The following BMERB1 variants were observed in gnomAD, a reference collection of about 807,000 sequenced individuals.
BMERB1 encodes the protein bMERB domain-containing protein 1.
A neutral mutation model predicts 23.6 loss-of-function variants in BMERB1; 12 were observed. That is an observed-to-expected ratio of 0.51 (90% CI 0.33 to 0.82). The LOEUF is 0.82. Among genes scored for constraint, BMERB1 ranks in the 40% least tolerant of loss-of-function variants. BMERB1 has a pLI of 0.03. For missense variants in BMERB1, 247 were observed against 255.4 expected, an observed-to-expected ratio of 0.97 and a Z score of 0.22; for synonymous variants, 122 against 96.6, an observed-to-expected ratio of 1.26 and a Z score of -1.54.
chr16:15,562,756 C>T (rs1269625565), intron 2 of BMERB1, among the ~76,000 whole-genome samples: 3 of 152,176 alleles, frequency 2.0e-5, no homozygotes, highest in Non-Finnish European at 2.9e-5. Context: ...TCTGCAAAAG[C>T]GTCTGGAGTC....
chr16:15,522,370 A>G lies in BMERB1; in HGVS notation c.230+6942A>G, dbSNP rs977127076. 2.0e-5 allele frequency among the ~76,000 whole-genome samples: 3 copies of G among 152,182 alleles called. No individual in the cohort carries two copies. In the East Asian group the frequency reaches 5.8e-4, roughly 29 times the overall value. ...AGGTACCAAGTGTGGTAAAGAGGACAGGCCCTGGGAACCTGGCAGAGATTC... is the reference window on the plus strand; with the variant it reads ...AGGTACCAAGTGTGGTAAAGAGGACGGGCCCTGGGAACCTGGCAGAGATTC... On this transcript the variant is annotated intron_variant, in intron 2 of 5. Transcript: ENST00000300006.
chr16:15,458,974 G>A (rs1236320834), intron 1 of BMERB1, among the ~76,000 whole-genome samples: 2 of 152,058 alleles, frequency 1.3e-5, no homozygotes, highest in African/African-American at 4.8e-5. Flanking sequence ...GGGCGTGGTG[G>A]CGGGCGCCCA....
chr16:15,530,619 C>T (rs1448671267), intron 2 of BMERB1, among the ~76,000 whole-genome samples: 2 of 152,088 alleles, frequency 1.3e-5, no homozygotes, highest in South Asian at 4.2e-4. Context: ...GGCTGTGTCC[C>T]CACCCAAATC....
intron 1 of BMERB1, among the ~76,000 whole-genome samples, chr16:15,458,774 G>C (rs1241426864): frequency 6.7e-6 from 1 of 148,274 alleles, no homozygotes; most frequent in Non-Finnish European, 1.5e-5. Context: ...GGAAACCTCA[G>C]AACTACTAAG....
chr16:15,559,627 C>T lies in BMERB1; in HGVS notation c.231-8356C>T, dbSNP rs568048625. On this transcript the variant is annotated intron_variant, in intron 2 of 5. Transcript: ENST00000300006. ...GTAAATGCTCCGTAAATGCTGACTT[C>T]TTGTTTGCCTTAATGGCAGAACCCA... Among the ~76,000 whole-genome samples the T allele has an allele frequency of 2.6e-5, 4 of 152,326 alleles. No homozygotes were observed. In the South Asian group the frequency reaches 6.2e-4, roughly 24 times the overall value.
chr16:15,508,460 C>T (rs976037853), intron 1 of BMERB1, among the ~76,000 whole-genome samples: 2 of 151,996 alleles, frequency 1.3e-5, no homozygotes, highest in African/African-American at 2.4e-5. Context: ...CAGAACAACT[C>T]TACTTACAAC....
intron 1 of BMERB1, among the ~76,000 whole-genome samples, chr16:15,452,313 G>A (rs2051049023): frequency 4.2e-5 from 2 of 48,174 alleles, no homozygotes; most frequent in African/African-American, 6.6e-5. Context: ...AGGAAGGAAG[G>A]GAGAGAGAGG....
At chr16:15,436,762 A>C (rs1468053368) in intron 1 of BMERB1, among the ~76,000 whole-genome samples, 1 of 151,978 alleles carries the variant, frequency 6.6e-6, no homozygotes, top group African/African-American at 2.4e-5. Context: ...TGTTTCTTAC[A>C]AGCTCAAAAT....
At chr16:15,472,622 T>A (rs2051238948) in intron 1 of BMERB1, among the ~76,000 whole-genome samples, 1 of 152,206 alleles carries the variant, frequency 6.6e-6, no homozygotes. Flanking sequence ...TGAATCTGCC[T>A]ATATCATTAT....
At chr16:15,503,178 A>G (rs985740116) in intron 1 of BMERB1, among the ~76,000 whole-genome samples, 4 of 152,222 alleles carry the variant, frequency 2.6e-5, no homozygotes, top group Non-Finnish European at 4.4e-5. Flanking sequence ...TAGGCATCCT[A>G]TTAGGGATTA....
intron 1 of BMERB1, among the ~76,000 whole-genome samples, chr16:15,439,628 G>A (rs898908591): frequency 6.6e-6 from 1 of 152,138 alleles, no homozygotes; most frequent in Non-Finnish European, 1.5e-5. Context: ...CTTTGAGAAA[G>A]GTTCAAAGTA....
chr16:15,499,582 CGA>C (rs1210804408), intron 1 of BMERB1, among the ~76,000 whole-genome samples: 1 of 152,064 alleles, frequency 6.6e-6, no homozygotes, highest in Admixed American at 6.6e-5. Context: ...TTGTGGTTCA[CGA>C]GAGGGGAAGG....
chr16:15,490,618 G>T (rs1440075330), intron 1 of BMERB1, among the ~76,000 whole-genome samples: 1 of 152,114 alleles, frequency 6.6e-6, no homozygotes, highest in Non-Finnish European at 1.5e-5. Flanking sequence ...TTCTTGTCCA[G>T]GTGTGATCCT....
chr16:15,519,087 A>ACACACG (rs1555510667), intron 2 of BMERB1, among the ~76,000 whole-genome samples: 18 of 146,772 alleles, frequency 1.2e-4, no homozygotes, highest in African/African-American at 4.8e-4. Flanking sequence ...ACACACACAC[A>ACACACG]CACACACACA....
At chr16:15,469,013 G>A (rs1046210947) in intron 1 of BMERB1, among the ~76,000 whole-genome samples, 7 of 149,080 alleles carry the variant, frequency 4.7e-5, no homozygotes, top group African/African-American at 1.7e-4. Context: ...TGTTGCCCAG[G>A]CTGGAGTCCG....
intron 1 of BMERB1, among the ~76,000 whole-genome samples, chr16:15,447,240 G>T (rs2050997886): frequency 6.6e-6 from 1 of 152,166 alleles, no homozygotes; most frequent in African/African-American, 2.4e-5. Context: ...AGTTCCACCT[G>T]GCCGAAGAGT....
rs367722389 is a variant in BMERB1 at position 15,581,215 on chromosome 16, A to G, written c.305-2A>G. 24 of 1,607,094 alleles carry G rather than the reference A, an allele frequency of 1.5e-5. No individual in the cohort carries two copies. In the East Asian group the frequency reaches 5.1e-4, roughly 34 times the overall value. ...GTCTCCTTGTTGATGTCTTCTTTCC[A>G]GAAAAAGAAAAAACCAAACTGCAGA... On this transcript the variant is annotated splice_acceptor_variant, in intron 3 of 5. Coordinates refer to ENST00000300006, the MANE Select transcript of BMERB1 (RefSeq NM_033201.3). LOFTEE classifies it high-confidence loss of function.
At chr16:15,580,742 C>G (rs187999871) in intron 3 of BMERB1, among the ~76,000 whole-genome samples, 1 of 151,186 alleles carries the variant, frequency 6.6e-6, no homozygotes. Context: ...AGACGGGGTT[C>G]CACCCTGTTA....
At chr16:15,498,080 G>A (rs2051491959) in intron 1 of BMERB1, among the ~76,000 whole-genome samples, 1 of 152,154 alleles carries the variant, frequency 6.6e-6, no homozygotes, top group Non-Finnish European at 1.5e-5. Context: ...CTGAGGCATA[G>A]AGTGTTTAAT....
Sources: allele counts gnomAD v4.1 joint callset (sites outside exome capture counted in the v4.1 genomes callset), GRCh38; gene constraint gnomAD v4.1.1; transcripts MANE v1.5; gene names NCBI Gene and HGNC (gene_info 2026-07-23, HGNC 2026-07-21).